The following PML variants were observed in gnomAD, a reference collection of about 807,000 sequenced individuals.
PML encodes PML nuclear body scaffold, also known as protein PML.
A neutral mutation model predicts 65.2 loss-of-function variants in PML; 28 were observed. The ratio of observed to expected loss-of-function variants is 0.43; its 90% confidence interval spans 0.32 to 0.59. The LOEUF is 0.59. PML is among the 20% of genes least tolerant of loss of function. The pLI is 0.08. For missense variants in PML, 1,021 were observed against 1,203.4 expected (o/e 0.85, Z 2.24); for synonymous variants, 500 against 508.8 (o/e 0.98, Z 0.23).
intron 3 of PML, 60 bp downstream of exon 3, chr15:74,023,468 G>T (rs2070937251): frequency 8.5e-6 from 11 of 1,289,926 alleles, no homozygotes. Flanking sequence ...TAGGGAAGGC[G>T]AGTCAGAAGA....
At chr15:73,999,333 T>G (rs1053198430) in intron 2 of PML, among the ~76,000 whole-genome samples, 1 of 152,236 alleles carries the variant, frequency 6.6e-6, no homozygotes, top group East Asian at 1.9e-4. Context: ...TTCTTAGAGA[T>G]CCACTTGCAA....
At chr15:74,027,834 CT>C (rs1442181615) in intron 4 of PML, 2 of 152,286 alleles carry the variant, frequency 1.3e-5, no homozygotes, top group Non-Finnish European at 2.9e-5. Context: ...GGCAGTGCTG[CT>C]GAGGGAAGGA....
rs543802379 is a variant in PML at position 74,045,210 on chromosome 15, T to G, written c.*202T>G. 1.8e-4 allele frequency: 107 copies of G among 594,352 alleles called. No individual in the cohort carries two copies. Among genetic ancestry groups the G allele is most frequent in the African/African-American group, 1.8e-3 (97 of 53,910 alleles). The allele number at this position is 594,352 out of a possible 1,614,324, so 36.8% of individuals were successfully genotyped here. ...AGAAGGTTCCAAAGCTGAGCACCCA[T>G]CACCCTAGGTGTGCACCAGACTCCT... On this transcript the variant is annotated 3_prime_UTR_variant, in exon 9 of 9. Transcript: ENST00000268058.
chr15:73,998,326 G>C lies in PML; in HGVS notation c.452G>C (p.Cys151Ser). The C allele has an allele frequency of 6.2e-7, 1 of 1,614,208 alleles. No homozygotes were observed. Among genetic ancestry groups the C allele is most frequent in the South Asian group, 1.1e-5 (1 of 91,090 alleles). ...TGCGAGCAGCTCCTCTGCGCCAAGT[G>C]CTTCGAGGCACACCAGTGGTTCCTC... ...FECEQLLCAK[C>S]FEAHQWFLKH... Residue 151 changes from cysteine to serine, a missense_variant, in exon 2 of 9, where the codon TGC becomes TCC. Physicochemically the swap from Cys to Ser is moderately radical, Grantham distance 112. Transcript: ENST00000268058.
At position 74,035,500 on chromosome 15, in the gene PML, G is replaced by A. The variant is rs141894268; in HGVS notation, c.1710+970G>A. ...CTCCGCTTGCACCCTCAATTGCATC[G>A]GGCCCCTATTCGGACTTGGTCTCCC... On this transcript the variant is annotated intron_variant, in intron 7 of 8. Coordinates refer to ENST00000268058, the MANE Select transcript of PML (RefSeq NM_033238.3). This position sits in a 1 kb window ranked among gnomAD's most constrained non-coding sequence, Gnocchi z 4.1. 34 of 1,611,862 alleles carry A rather than the reference G, an allele frequency of 2.1e-5. No homozygotes were observed. The highest frequency in any genetic ancestry group is 2.9e-5 in the Non-Finnish European group (34 of 1,179,840).
chr15:74,041,171 T>C (rs1345316613), intron 7 of PML, among the ~76,000 whole-genome samples: 1 of 152,198 alleles, frequency 6.6e-6, no homozygotes, highest in African/African-American at 2.4e-5. Flanking sequence ...GCCATGTCAG[T>C]GGGTGGCAGC....
chr15:74,043,903 G>A lies in PML; in HGVS notation c.1862-318G>A, dbSNP rs2071740730. ...GCAGCCTGGGATCTCTAGTATAGGT[G>A]GCTGAGGCTGATAGAAGACAGGAGG... On this transcript the variant is annotated intron_variant, in intron 8 of 8. Coordinates refer to ENST00000268058, the MANE Select transcript of PML (RefSeq NM_033238.3). The surrounding 1 kb of genome is among the most constrained non-coding windows in gnomAD (Gnocchi z 4.3). 6.6e-6 allele frequency among the ~76,000 whole-genome samples: 1 copy of A among 152,180 alleles called. No individual in the cohort carries two copies. Among genetic ancestry groups the A allele is most frequent in the African/African-American group, 2.4e-5 (1 of 41,432 alleles).
chr15:74,023,468 G>A, intron 3 of PML, 60 bp downstream of exon 3: 2 of 1,289,924 alleles, frequency 1.6e-6, no homozygotes, highest in South Asian at 1.2e-5. Flanking sequence ...TAGGGAAGGC[G>A]AGTCAGAAGA....
At position 73,994,918 on chromosome 15, in the gene PML, A is replaced by G; in HGVS notation, c.106A>G (p.Ser36Gly). ...PETPSEGRQP[S>G]PSPSPTERAP... is the part of the protein sequence containing the mutation. ...GACCCCCTCTGAAGGCCGCCAGCCC[A>G]GCCCCAGCCCCAGCCCTACAGAGGT... Residue 36 changes from serine (S) to glycine (G), a missense_variant, in exon 1 of 9, where the codon AGC (serine) becomes GGC (glycine). Physicochemically the swap from Ser to Gly is moderately conservative, Grantham distance 56. Coordinates refer to ENST00000268058, the MANE Select transcript of PML (RefSeq NM_033238.3). The G allele has an allele frequency of 6.7e-7, 1 of 1,490,866 alleles. No homozygotes were observed. The highest frequency in any genetic ancestry group is 9.0e-7 in the Non-Finnish European group (1 of 1,113,762). 92.4% of individuals were successfully genotyped at this position (1,490,866 alleles called of 1,614,324 possible).
In PML at chr15:74,044,795, C is replaced by T; in HGVS notation, c.2436C>T (p.His812=). ...NVSFMELLSA[H]RRDRQGGLKK... is the part of the protein sequence containing the mutation. ...GCTTCATGGAGCTGCTGAGTGCACA[C>T]CGCCGTGACCGGCAGGGGGGCCTGA... Residue 812 remains histidine, a synonymous_variant, in exon 9 of 9, where the codon CAC becomes CAT. Transcript: ENST00000268058. The T allele has an allele frequency of 6.2e-7, 1 of 1,613,184 alleles. No individual in the cohort carries two copies. The highest frequency in any genetic ancestry group is 8.5e-7 in the Non-Finnish European group (1 of 1,180,032).
At position 74,033,370 on chromosome 15, in the gene PML, T is replaced by C; in HGVS notation, c.1613T>C (p.Phe538Ser). 1.2e-6 allele frequency: 2 copies of C among 1,613,440 alleles called. No homozygotes were observed. Among genetic ancestry groups the C allele is most frequent in the Non-Finnish European group, 1.7e-6 (2 of 1,179,426 alleles). Reference protein sequence around the residue: ...PRSPVIGSEVFLPNSNHVASG... With the variant: ...PRSPVIGSEVSLPNSNHVASG... ...AGCCCCGTCATAGGAAGTGAGGTCT[T>C]CCTGCCCAACAGCAACCACGTGGCC... Residue 538 changes from phenylalanine to serine, a missense_variant, in exon 6 of 9, where the codon TTC (phenylalanine) becomes TCC (serine). By Grantham distance (155) the Phe-to-Ser change is radical. Coordinates refer to ENST00000268058, the MANE Select transcript of PML (RefSeq NM_033238.3).
At chr15:74,007,509 T>G (rs1478867336) in intron 2 of PML, among the ~76,000 whole-genome samples, 1 of 152,220 alleles carries the variant, frequency 6.6e-6, no homozygotes, top group African/African-American at 2.4e-5. Context: ...CTCAACTTAT[T>G]TTTTCTGCAC....
intron 2 of PML, among the ~76,000 whole-genome samples, chr15:74,002,466 T>C (rs2141728075): frequency 7.6e-6 from 1 of 132,004 alleles, no homozygotes; most frequent in South Asian, 2.5e-4. Context: ...TTTTTTTTGA[T>C]GGAGTCTTGC....
chr15:73,998,166 G>C lies in PML; in HGVS notation c.292G>C (p.Gly98Arg), dbSNP rs1173712908. Residue 98 changes from glycine (G) to arginine (R), a missense_variant, in exon 2 of 9, where the codon GGT becomes CGT. Transcript: ENST00000268058. ...CATCTGCCAGGCGCCCTGGCCCCTAGGTGCAGACACACCCGCCCTGGATAA... is the reference window on the plus strand; with the variant it reads ...CATCTGCCAGGCGCCCTGGCCCCTACGTGCAGACACACCCGCCCTGGATAA... ...CPICQAPWPL[G>R]ADTPALDNVF... 6.2e-7 allele frequency: 1 copy of C among 1,614,094 alleles called. No individual in the cohort carries two copies. Among genetic ancestry groups the C allele is most frequent in the African/African-American group, 1.3e-5 (1 of 74,946 alleles).
rs981690069 is a variant in PML at position 73,998,091 on chromosome 15, C to T, written c.217C>T (p.Leu73=). 11 of 1,613,800 alleles carry T rather than the reference C, an allele frequency of 6.8e-6. No homozygotes were observed. Among genetic ancestry groups the T allele is most frequent in the Non-Finnish European group, 9.3e-6 (11 of 1,180,028 alleles). The change falls in exon 2 of 9, where the codon CTG becomes TTG. Residue 73 remains leucine, a synonymous_variant. Coordinates refer to ENST00000268058, the MANE Select transcript of PML (RefSeq NM_033238.3). ...EAKCPKLLPC[L]HTLCSGCLEA... Reference sequence around the variant, plus strand: ...CAAGTGCCCGAAGCTGCTGCCTTGTCTGCACACGCTGTGCTCAGGATGCCT... The same window carrying T: ...CAAGTGCCCGAAGCTGCTGCCTTGTTTGCACACGCTGTGCTCAGGATGCCT...
chr15:74,008,154 T>C (rs1555440448), intron 2 of PML, among the ~76,000 whole-genome samples: 1 of 151,936 alleles, frequency 6.6e-6, no homozygotes, highest in Non-Finnish European at 1.5e-5. Context: ...TATAAGGAAA[T>C]AGAAAGGCCA....
Position 74,033,423 on chromosome 15 carries a change from GT to G in PML, c.1657+10del. ...TGGCGCCGGGGAGGCAGGTAGGGAG[GT>G]GGGTAGGGCAGTGGCCTGGGTGCTG... is the stretch of plus-strand genomic sequence containing the variant. On this transcript the variant is annotated intron_variant, in intron 6 of 8. Coordinates refer to ENST00000268058, the MANE Select transcript of PML (RefSeq NM_033238.3). The G allele has an allele frequency of 6.2e-7, 1 of 1,612,038 alleles. No individual in the cohort carries two copies.
rs1352764461 is a variant in PML at position 74,042,843 on chromosome 15, C to T, written c.1711-146C>T. ...ACACCCATTCATGCACACATACCTTCTCTTGTGCACACGTCCCCTTTCCCA... is the reference window on the plus strand; with the variant it reads ...ACACCCATTCATGCACACATACCTTTTCTTGTGCACACGTCCCCTTTCCCA... On this transcript the variant is annotated intron_variant, in intron 7 of 8. Transcript: ENST00000268058. The surrounding 1 kb of genome is among the most constrained non-coding windows in gnomAD (Gnocchi z 5.3). 6.5e-7 allele frequency: 1 copy of T among 1,549,058 alleles called. No individual in the cohort carries two copies. The highest frequency in any genetic ancestry group is 1.4e-5 in the African/African-American group (1 of 73,456).
At chr15:73,995,044 A>G (rs2069404545) in intron 1 of PML, 103 bp downstream of exon 1, 2 of 1,096,504 alleles carry the variant, frequency 1.8e-6, no homozygotes, top group East Asian at 5.2e-5. Context: ...CAAGTACCCT[A>G]GAGAGTGACA....
Sources: gnomAD v4.1 joint callset for allele counts (sites outside exome capture counted in the v4.1 genomes callset) on GRCh38, gnomAD v4.1.1 for gene constraint, Gnocchi (gnomAD v3.1) non-coding constraint, MANE v1.5 for transcripts, NCBI Gene and HGNC (gene_info 2026-07-23, HGNC 2026-07-21) for gene names.